The following RNF26 variants were observed in gnomAD, a reference collection of about 807,000 sequenced individuals.
RNF26 encodes the protein ring finger protein 26.
A neutral mutation model predicts 25.4 loss-of-function variants in RNF26; 8 were observed. That is an observed-to-expected ratio of 0.31 (90% CI 0.18 to 0.57). The LOEUF (loss-of-function observed/expected upper bound fraction) is 0.57, where lower values mean the gene tolerates loss of function less well. RNF26 is among the 20% of genes least tolerant of loss of function. The pLI, the probability that RNF26 is intolerant of heterozygous loss-of-function variation, is 0.90. For synonymous variants in RNF26, 262 were observed against 246.7 expected (o/e 1.06, Z -0.58); for missense variants, 470 against 552.0 (o/e 0.85, Z 1.49).
At position 119,336,578 on chromosome 11, in the gene RNF26, G is replaced by T. The variant is rs1270545694; in HGVS notation, c.*154G>T. The T allele has an allele frequency of 4.4e-6, 3 of 676,950 alleles. No individual in the cohort carries two copies. Among genetic ancestry groups the T allele is most frequent in the South Asian group, 3.8e-5 (2 of 52,186 alleles). The allele number at this position is 676,950 out of a possible 1,614,324, so 41.9% of individuals were successfully genotyped here. Reference sequence around the variant, plus strand: ...CCAGGACATTGAGTTGGAAGACTATGATCTGGGTGGGGGCAGGATAACATG... The same window carrying T: ...CCAGGACATTGAGTTGGAAGACTATTATCTGGGTGGGGGCAGGATAACATG... On this transcript the variant is annotated 3_prime_UTR_variant, in exon 1 of 1. Coordinates refer to ENST00000311413, the MANE Select transcript of RNF26 (RefSeq NM_032015.5).
In RNF26 at chr11:119,335,594, G is replaced by C. The variant is rs201098751; in HGVS notation, c.472G>C (p.Gly158Arg). The C allele has an allele frequency of 1.9e-6, 3 of 1,613,028 alleles. No homozygotes were observed. In the South Asian group the frequency reaches 3.3e-5, roughly 18 times the overall value. Residue 158 changes from glycine to arginine, a missense_variant, in exon 1 of 1, where the codon GGC becomes CGC. Physicochemically the swap from Gly to Arg is moderately radical, Grantham distance 125. Transcript: ENST00000311413. ...INSLVNICLI[G>R]TQNLFSLVLA... ...CAGCCTGGTCAACATCTGCCTCATC[G>C]GCACTCAGAACCTCTTTTCCCTGGT...
chr11:119,335,320 G>A lies in RNF26; in HGVS notation c.198G>A (p.Leu66=), dbSNP rs1271122212. Reference sequence around the variant, plus strand: ...GCCGCGGAGTCTTGCTTTCATTGCTGGCCTTGATCGAAGCCGTGGTCCGGT... The same window carrying A: ...GCCGCGGAGTCTTGCTTTCATTGCTAGCCTTGATCGAAGCCGTGGTCCGGT... ...HLGRGVLLSL[L]ALIEAVVRFT... The change falls in exon 1 of 1, where the codon CTG becomes CTA. Residue 66 remains leucine, a synonymous_variant. Transcript: ENST00000311413. 6.2e-7 allele frequency: 1 copy of A among 1,614,206 alleles called. No individual in the cohort carries two copies. The highest frequency in any genetic ancestry group is 1.1e-5 in the South Asian group (1 of 91,086).
Position 119,334,756 on chromosome 11 carries a change from A to C in RNF26, c.-367A>C. 1 of 302,732 alleles carries C rather than the reference A, an allele frequency of 3.3e-6. No homozygotes were observed. The highest frequency in any genetic ancestry group is 4.9e-5 in the Admixed American group (1 of 20,312). The allele number at this position is 302,732 out of a possible 1,614,324, so 18.8% of individuals were successfully genotyped here. A position where few individuals can be genotyped will look rare whatever the true frequency, so the allele number is the denominator to read the frequency against. On this transcript the variant is annotated 5_prime_UTR_variant, in exon 1 of 1. Transcript: ENST00000311413. ...ACCCGATCCGATCCGATCCCATTCC[A>C]TCCGTTCCTCGTCTCCTCCCGGTCT...
Position 119,335,117 on chromosome 11 carries a change from C to G in RNF26, c.-6C>G. ...TTTGTTTTGGACTAACTTCCATAGC[C>G]CTATCATGGAGGCAGTGTACCTGGT... is the stretch of plus-strand genomic sequence containing the variant. On this transcript the variant is annotated 5_prime_UTR_variant, in exon 1 of 1. Coordinates refer to ENST00000311413, the MANE Select transcript of RNF26 (RefSeq NM_032015.5). 1 of 1,609,580 alleles carries G rather than the reference C, an allele frequency of 6.2e-7. No homozygotes were observed. The highest frequency in any genetic ancestry group is 1.1e-5 in the South Asian group (1 of 90,748).
rs144743618 is a variant in RNF26, at chr11:119,336,030, G to A, written c.908G>A (p.Arg303Gln). Reference protein sequence around the residue: ...RSLQLASWPNRGGAPGAPQGD... With the variant: ...RSLQLASWPNQGGAPGAPQGD... ...CTGCAGCTGGCGAGTTGGCCAAACC[G>A]GGGAGGGGCACCTGGAGCTCCCCAG... Residue 303 changes from arginine to glutamine, a missense_variant, in exon 1 of 1, where the codon CGG (arginine) becomes CAG (glutamine). Physicochemically the swap from Arg to Gln is conservative, Grantham distance 43 (BLOSUM62 1). Transcript: ENST00000311413. 89 of 1,613,682 alleles carry A rather than the reference G, an allele frequency of 5.5e-5. No homozygotes were observed. The East Asian group carries it at 1.5e-3, about 27-fold the overall frequency.
chr11:119,336,078 C>T lies in RNF26; in HGVS notation c.956C>T (p.Ser319Leu), dbSNP rs867982099. 9 of 1,613,968 alleles carry T rather than the reference C, an allele frequency of 5.6e-6. No homozygotes were observed. The Middle Eastern group carries it at 4.9e-4, about 88-fold the overall frequency. Residue 319 changes from serine (S) to leucine (L), a missense_variant, in exon 1 of 1, where the codon TCA (serine) becomes TTA (leucine). Physicochemically the swap from Ser to Leu is moderately radical, Grantham distance 145. Coordinates refer to ENST00000311413, the MANE Select transcript of RNF26 (RefSeq NM_032015.5). ...CAGGGTGACCCTATGAGGGTATTCT[C>T]AGTTAGGACCCGGAGACAGGACACT... ...APQGDPMRVFSVRTRRQDTLP... is the reference protein window; with the variant it reads ...APQGDPMRVFLVRTRRQDTLP...
rs950257826 is a variant in RNF26, at chr11:119,337,178, C to T, written c.*754C>T. On this transcript the variant is annotated 3_prime_UTR_variant, in exon 1 of 1. Coordinates refer to ENST00000311413, the MANE Select transcript of RNF26 (RefSeq NM_032015.5). ...AAATGGCATTCCTCTCTGTCTCTCC[C>T]TGGCATGGAGAGGGCAGACTGTGCA... is the stretch of plus-strand genomic sequence containing the variant. 1 of 169,430 alleles carries T rather than the reference C, an allele frequency of 5.9e-6. No homozygotes were observed. Among genetic ancestry groups the T allele is most frequent in the Non-Finnish European group, 1.5e-5 (1 of 68,410 alleles). 10.5% of individuals were successfully genotyped at this position (169,430 alleles called of 1,614,324 possible).
In RNF26 at chr11:119,335,056, G is replaced by T. The variant is rs1388081114; in HGVS notation, c.-67G>T. On this transcript the variant is annotated 5_prime_UTR_variant, in exon 1 of 1. Coordinates refer to ENST00000311413, the MANE Select transcript of RNF26 (RefSeq NM_032015.5). ...TTAATCCCAGACCCCCTAAAATATT[G>T]ACAACCTTGACAACCCCCCAACCGA... is the stretch of plus-strand genomic sequence containing the variant. 28 of 1,286,700 alleles carry T rather than the reference G, an allele frequency of 2.2e-5. No homozygotes were observed. Among genetic ancestry groups the T allele is most frequent in the African/African-American group, 1.5e-5 (1 of 67,528 alleles). 79.7% of individuals were successfully genotyped at this position (1,286,700 alleles called of 1,614,324 possible).
At position 119,334,998 on chromosome 11, in the gene RNF26, C is replaced by A. The variant is rs1348392221; in HGVS notation, c.-125C>A. On this transcript the variant is annotated 5_prime_UTR_variant, in exon 1 of 1. Transcript: ENST00000311413. ...CTTCTTCCTCAGATTCTTGGTACCC[C>A]CTGGGTTGGAGACTGCTCATTTTCC... 8.5e-6 allele frequency: 6 copies of A among 702,268 alleles called. No individual in the cohort carries two copies. Among genetic ancestry groups the A allele is most frequent in the Non-Finnish European group, 9.6e-6 (4 of 416,458 alleles). 43.5% of individuals were successfully genotyped at this position (702,268 alleles called of 1,614,324 possible). A position where few individuals can be genotyped will look rare whatever the true frequency, so the allele number is the denominator to read the frequency against.
Position 119,335,051 on chromosome 11 carries a change from A to T in RNF26, c.-72A>T. The stretch of plus-strand genomic sequence containing the variant: ...CCAAATTAATCCCAGACCCCCTAAA[A>T]TATTGACAACCTTGACAACCCCCCA... On this transcript the variant is annotated 5_prime_UTR_variant, in exon 1 of 1. Coordinates refer to ENST00000311413, the MANE Select transcript of RNF26 (RefSeq NM_032015.5). 5 of 1,242,974 alleles carry T rather than the reference A, an allele frequency of 4.0e-6. No homozygotes were observed. Among genetic ancestry groups the T allele is most frequent in the Non-Finnish European group, 5.7e-6 (5 of 870,696 alleles). 77.0% of individuals were successfully genotyped at this position (1,242,974 alleles called of 1,614,324 possible). A position where few individuals can be genotyped will look rare whatever the true frequency, so the allele number is the denominator to read the frequency against.
Position 119,335,394 on chromosome 11 carries a change from G to A in RNF26, c.272G>A (p.Cys91Tyr). The A allele has an allele frequency of 1.9e-6, 3 of 1,614,212 alleles. No homozygotes were observed. In the South Asian group the frequency reaches 3.3e-5, roughly 18 times the overall value. The change falls in exon 1 of 1, where the codon TGC becomes TAC. Residue 91 changes from cysteine (C) to tyrosine (Y), a missense_variant. Coordinates refer to ENST00000311413, the MANE Select transcript of RNF26 (RefSeq NM_032015.5). ...QALCTLLYSC[C>Y]SGLESLKLLG... The stretch of plus-strand genomic sequence containing the variant: ...TTGTGTACTCTGCTGTATAGCTGCT[G>A]CTCTGGCCTAGAGAGCCTAAAGCTC...
Position 119,336,209 on chromosome 11 carries a change from G to T in RNF26, c.1087G>T (p.Gly363Cys). ...GAGGCTCAATGAGGAGGAGCCTCCA[G>T]GTGGGCAAGACCCTTGGAAATTGCT... ...RERLNEEEPP[G>C]GQDPWKLLKE... The change falls in exon 1 of 1, where the codon GGT becomes TGT. Residue 363 changes from glycine (G) to cysteine (C), a missense_variant. Coordinates refer to ENST00000311413, the MANE Select transcript of RNF26 (RefSeq NM_032015.5). 1 of 1,614,090 alleles carries T rather than the reference G, an allele frequency of 6.2e-7. No individual in the cohort carries two copies. The highest frequency in any genetic ancestry group is 1.3e-5 in the African/African-American group (1 of 75,064).
chr11:119,336,070 G>T lies in RNF26; in HGVS notation c.948G>T (p.Arg316Ser), dbSNP rs778016899. ...APGAPQGDPM[R>S]VFSVRTRRQD... ...GAGCTCCCCAGGGTGACCCTATGAG[G>T]GTATTCTCAGTTAGGACCCGGAGAC... The change falls in exon 1 of 1, where the codon AGG becomes AGT. Residue 316 changes from arginine to serine, a missense_variant. Coordinates refer to ENST00000311413, the MANE Select transcript of RNF26 (RefSeq NM_032015.5). 1.4e-5 allele frequency: 23 copies of T among 1,613,912 alleles called. No homozygotes were observed. Among genetic ancestry groups the T allele is most frequent in the Non-Finnish European group, 1.8e-5 (21 of 1,180,036 alleles).
In RNF26 at chr11:119,337,056, G is replaced by C. The variant is rs1203978027; in HGVS notation, c.*632G>C. ...GGGGGATGCATCTGCACCTGACTTTGGGGCCACGTGCCCTGTGGCACCCCA... is the reference window on the plus strand; with the variant it reads ...GGGGGATGCATCTGCACCTGACTTTCGGGCCACGTGCCCTGTGGCACCCCA... On this transcript the variant is annotated 3_prime_UTR_variant, in exon 1 of 1. Coordinates refer to ENST00000311413, the MANE Select transcript of RNF26 (RefSeq NM_032015.5). 5.9e-6 allele frequency: 1 copy of C among 169,466 alleles called. No individual in the cohort carries two copies. Among genetic ancestry groups the C allele is most frequent in the Non-Finnish European group, 1.5e-5 (1 of 68,614 alleles). The allele number at this position is 169,466 out of a possible 1,614,324, so 10.5% of individuals were successfully genotyped here.
Position 119,334,953 on chromosome 11 carries a change from C to T in RNF26, c.-170C>T, listed in dbSNP as rs1950430772. 2 of 611,430 alleles carry T rather than the reference C, an allele frequency of 3.3e-6. No individual in the cohort carries two copies. Among genetic ancestry groups the T allele is most frequent in the African/African-American group, 1.9e-5 (1 of 53,958 alleles). The allele number at this position is 611,430 out of a possible 1,614,324, so 37.9% of individuals were successfully genotyped here. A position where few individuals can be genotyped will look rare whatever the true frequency, so the allele number is the denominator to read the frequency against. ...CTGGCCACCTTTCCCTCTACCAAGA[C>T]TCCACTTCCGTCTTACCCACTTCTT... On this transcript the variant is annotated 5_prime_UTR_variant, in exon 1 of 1. Coordinates refer to ENST00000311413, the MANE Select transcript of RNF26 (RefSeq NM_032015.5).
At position 119,336,691 on chromosome 11, in the gene RNF26, C is replaced by T; in HGVS notation, c.*267C>T. 1.9e-6 allele frequency: 1 copy of T among 520,206 alleles called. No individual in the cohort carries two copies. Among genetic ancestry groups the T allele is most frequent in the Non-Finnish European group, 3.5e-6 (1 of 283,372 alleles). 32.2% of individuals were successfully genotyped at this position (520,206 alleles called of 1,614,324 possible). Reference sequence around the variant, plus strand: ...GCCCTGAGACTATTTGCTGTGGGCTCTCCTCCAGCCTGCCCAGGGCCCACC... The same window carrying T: ...GCCCTGAGACTATTTGCTGTGGGCTTTCCTCCAGCCTGCCCAGGGCCCACC... On this transcript the variant is annotated 3_prime_UTR_variant, in exon 1 of 1. Coordinates refer to ENST00000311413, the MANE Select transcript of RNF26 (RefSeq NM_032015.5).
In RNF26 at chr11:119,336,350, C is replaced by T. The variant is rs779237173; in HGVS notation, c.1228C>T (p.Arg410Cys). Residue 410 changes from arginine (R) to cysteine (C), a missense_variant, in exon 1 of 1, where the codon CGC (arginine) becomes TGC (cysteine). Arg to Cys is a radical substitution (Grantham distance 180). Coordinates refer to ENST00000311413, the MANE Select transcript of RNF26 (RefSeq NM_032015.5). ...CCAGGCCTGCACTGAAATCCTGATG[C>T]GCCACCCCGTCTACCACCGCAATTG... The part of the protein sequence containing the change: ...LCQACTEILM[R>C]HPVYHRNCPL... 18 of 1,612,016 alleles carry T rather than the reference C, an allele frequency of 1.1e-5. No homozygotes were observed. Among genetic ancestry groups the T allele is most frequent in the South Asian group, 2.2e-5 (2 of 91,088 alleles).
rs1361798727 is a variant in RNF26, at chr11:119,334,783, A to G, written c.-340A>G. 3 of 376,522 alleles carry G rather than the reference A, an allele frequency of 8.0e-6. No individual in the cohort carries two copies. The highest frequency in any genetic ancestry group is 1.5e-5 in the Non-Finnish European group (3 of 203,754). The allele number at this position is 376,522 out of a possible 1,614,324, so 23.3% of individuals were successfully genotyped here. ...CCGTTCCTCGTCTCCTCCCGGTCTG[A>G]CCCGTTGCCCGGCCGTGGTTCGCCA... On this transcript the variant is annotated 5_prime_UTR_variant, in exon 1 of 1. Coordinates refer to ENST00000311413, the MANE Select transcript of RNF26 (RefSeq NM_032015.5).
At position 119,335,060 on chromosome 11, in the gene RNF26, A is replaced by G; in HGVS notation, c.-63A>G. ...TCCCAGACCCCCTAAAATATTGACA[A>G]CCTTGACAACCCCCCAACCGAGGAG... is the stretch of plus-strand genomic sequence containing the variant. On this transcript the variant is annotated 5_prime_UTR_variant, in exon 1 of 1. Transcript: ENST00000311413. 1 of 1,347,746 alleles carries G rather than the reference A, an allele frequency of 7.4e-7. No homozygotes were observed. The highest frequency in any genetic ancestry group is 1.0e-6 in the Non-Finnish European group (1 of 961,714). 83.5% of individuals were successfully genotyped at this position (1,347,746 alleles called of 1,614,324 possible). A position where few individuals can be genotyped will look rare whatever the true frequency, so the allele number is the denominator to read the frequency against.
Sources: allele counts gnomAD v4.1 joint callset, GRCh38; gene constraint gnomAD v4.1.1; transcripts MANE v1.5; gene names NCBI Gene and HGNC (gene_info 2026-07-23, HGNC 2026-07-21).